The following PPM1L variants were observed in gnomAD, a reference collection of about 807,000 sequenced individuals.
The protein encoded by PPM1L is protein phosphatase 1L.
PPM1L carries 13 observed loss-of-function variants against 31.4 expected under a neutral mutation model. The observed-to-expected ratio is 0.41, with a 90% CI of 0.27 to 0.66. The LOEUF (loss-of-function observed/expected upper bound fraction) is 0.66, where lower values mean the gene tolerates loss of function less well. Among genes scored for constraint, PPM1L ranks in the 30% least tolerant of loss-of-function variants. PPM1L has a pLI of 0.29. For missense variants in PPM1L, 326 were observed against 453.7 expected, an observed-to-expected ratio of 0.72 and a Z score of 2.56; for synonymous variants, 184 against 175.4, an observed-to-expected ratio of 1.05 and a Z score of -0.39.
At chr3:160,908,535 A>T (rs191241484) in intron 1 of PPM1L, among the ~76,000 whole-genome samples, 3 of 152,150 alleles carry the variant, frequency 2.0e-5, no homozygotes, top group South Asian at 2.1e-4. Context: ...CTTTTTTTTT[A>T]AAGTGTATCT....
At chr3:160,934,667 C>G (rs574708685) in intron 1 of PPM1L, among the ~76,000 whole-genome samples, 3 of 151,936 alleles carry the variant, frequency 2.0e-5, no homozygotes, top group Non-Finnish European at 2.9e-5. Context: ...TATTTTACAT[C>G]ATTGGCCGGG....
chr3:160,865,501 C>A (rs943339686), intron 1 of PPM1L, among the ~76,000 whole-genome samples: 1 of 152,082 alleles, frequency 6.6e-6, no homozygotes, highest in Non-Finnish European at 1.5e-5. Context: ...GTTGGCCGTG[C>A]GTGGTGGCTC....
At chr3:160,822,087 G>A (rs1464231441) in intron 1 of PPM1L, among the ~76,000 whole-genome samples, 3 of 151,906 alleles carry the variant, frequency 2.0e-5, no homozygotes, top group Non-Finnish European at 4.4e-5. Context: ...GTGTGTACAT[G>A]TTTAGTTTTT....
intron 2 of PPM1L, among the ~76,000 whole-genome samples, chr3:161,025,348 G>A (rs921471490): frequency 6.6e-6 from 1 of 152,138 alleles, no homozygotes; most frequent in Non-Finnish European, 1.5e-5. Context: ...AGAATCACTT[G>A]AGGCCAGGAG....
At chr3:160,875,526 A>G (rs764788830) in intron 1 of PPM1L, among the ~76,000 whole-genome samples, 1 of 152,152 alleles carries the variant, frequency 6.6e-6, no homozygotes, top group Non-Finnish European at 1.5e-5. Flanking sequence ...TGAAAATTCT[A>G]CTTTTCTTTT....
intron 1 of PPM1L, among the ~76,000 whole-genome samples, chr3:160,885,274 T>C (rs926166829): frequency 6.6e-6 from 1 of 152,176 alleles, no homozygotes; most frequent in African/African-American, 2.4e-5. Context: ...TGAAGAAAAA[T>C]ATAAATAGAT....
chr3:160,887,851 A>G (rs1712975627), intron 1 of PPM1L, among the ~76,000 whole-genome samples: 1 of 152,136 alleles, frequency 6.6e-6, no homozygotes, highest in Non-Finnish European at 1.5e-5. Context: ...TGCTGGGATT[A>G]TAGGCGTGAG....
At chr3:160,878,152 C>T (rs1300814317) in intron 1 of PPM1L, among the ~76,000 whole-genome samples, 2 of 152,168 alleles carry the variant, frequency 1.3e-5, no homozygotes, top group Non-Finnish European at 2.9e-5. Context: ...CACACATTGG[C>T]CCAGTTGGAG....
At position 161,076,111 on chromosome 3, in the gene PPM1L, GT is replaced by G. The variant is rs1359296165; in HGVS notation, c.*6958del. On this transcript the variant is annotated 3_prime_UTR_variant, in exon 4 of 4. Transcript: ENST00000498165. ...ATTTGATATTCTTGCTTCTTAGAGA[GT>G]TTTCTAATCCATATAATGCAATGGG... 1.3e-5 allele frequency: 2 copies of G among 152,136 alleles called. No homozygotes were observed. Among genetic ancestry groups the G allele is most frequent in the African/African-American group, 4.8e-5 (2 of 41,432 alleles). 9.4% of individuals were successfully genotyped at this position (152,136 alleles called of 1,614,324 possible).
At chr3:160,893,182 C>T (rs1188016000) in intron 1 of PPM1L, among the ~76,000 whole-genome samples, 1 of 152,120 alleles carries the variant, frequency 6.6e-6, no homozygotes, top group African/African-American at 2.4e-5. Flanking sequence ...CTCTCATCAT[C>T]AAATTGCACA....
chr3:160,931,169 T>C (rs1389334854), intron 1 of PPM1L, among the ~76,000 whole-genome samples: 1 of 152,222 alleles, frequency 6.6e-6, no homozygotes, highest in African/African-American at 2.4e-5. Flanking sequence ...ATTTCTCTGC[T>C]TTTTGGTTTA....
chr3:160,758,407 A>T (rs890189416), intron 1 of PPM1L, among the ~76,000 whole-genome samples: 4 of 151,982 alleles, frequency 2.6e-5, no homozygotes, highest in African/African-American at 9.7e-5. Context: ...TAACAAGCTT[A>T]TATTTATTAT....
At chr3:160,808,017 A>G (rs1056877854) in intron 1 of PPM1L, among the ~76,000 whole-genome samples, 5 of 152,114 alleles carry the variant, frequency 3.3e-5, no homozygotes, top group Non-Finnish European at 7.3e-5. Context: ...CTGATCAGAA[A>G]ACTTCTTTGG....
chr3:161,063,011 A>G (rs1398554096), intron 2 of PPM1L, among the ~76,000 whole-genome samples: 1 of 152,178 alleles, frequency 6.6e-6, no homozygotes, highest in African/African-American at 2.4e-5. Flanking sequence ...TCCTATAGAG[A>G]GAGGACTCCA....
intron 1 of PPM1L, among the ~76,000 whole-genome samples, chr3:160,951,486 A>G (rs187889549): frequency 6.6e-6 from 1 of 152,324 alleles, no homozygotes; most frequent in East Asian, 1.9e-4. Context: ...ATGTTTGATA[A>G]TTTGGCAAAA....
At chr3:161,003,789 G>A (rs1203051347) in intron 2 of PPM1L, among the ~76,000 whole-genome samples, 2 of 151,696 alleles carry the variant, frequency 1.3e-5, no homozygotes, top group East Asian at 3.9e-4. Context: ...CTGCAAACAG[G>A]GACAATTTGA....
intron 2 of PPM1L, among the ~76,000 whole-genome samples, chr3:160,996,526 A>G (rs1401179333): frequency 1.3e-5 from 2 of 152,210 alleles, no homozygotes; most frequent in Non-Finnish European, 2.9e-5. Flanking sequence ...TTCTAAGTGA[A>G]GTAACTCAGA....
chr3:160,982,188 G>T (rs1247785228), intron 2 of PPM1L, among the ~76,000 whole-genome samples: 1 of 152,182 alleles, frequency 6.6e-6, no homozygotes, highest in Non-Finnish European at 1.5e-5. Flanking sequence ...AGTAATCACA[G>T]TGTACATTTC....
At chr3:160,786,016 T>C (rs1223085431) in intron 1 of PPM1L, among the ~76,000 whole-genome samples, 1 of 150,806 alleles carries the variant, frequency 6.6e-6, no homozygotes, top group Non-Finnish European at 1.5e-5. Flanking sequence ...TTGACCAATT[T>C]ATACTTCCAT....
Sources: allele counts gnomAD v4.1 joint callset (sites outside exome capture counted in the v4.1 genomes callset), GRCh38; gene constraint gnomAD v4.1.1; transcripts MANE v1.5; gene names NCBI Gene and HGNC (gene_info 2026-07-23, HGNC 2026-07-21).